The following CDH4 variants were observed in gnomAD, a reference collection of about 807,000 sequenced individuals.
The protein encoded by CDH4 is cadherin-4.
CDH4 carries 33 observed loss-of-function variants against 86.0 expected under a neutral mutation model. That is an observed-to-expected ratio of 0.38 (90% CI 0.29 to 0.51). CDH4 has a LOEUF of 0.51. CDH4 is among the 20% of genes least tolerant of loss of function. The pLI is 0.86. For synonymous variants in CDH4, 555 were observed against 549.4 expected (o/e 1.01, Z -0.14); for missense variants, 1,114 against 1,307.4 (o/e 0.85, Z 2.28).
intron 2 of CDH4, among the ~76,000 whole-genome samples, chr20:61,567,346 A>G (rs2086306718): frequency 6.6e-6 from 1 of 152,216 alleles, no homozygotes; most frequent in South Asian, 2.1e-4. Flanking sequence ...ACAGTTCTGG[A>G]GGCCAGAGTC....
At chr20:61,304,441 A>G (rs1010170637) in intron 2 of CDH4, among the ~76,000 whole-genome samples, 1 of 152,170 alleles carries the variant, frequency 6.6e-6, no homozygotes, top group East Asian at 1.9e-4. Flanking sequence ...TGGCTTCTCT[A>G]AACGATGAGC....
intron 4 of CDH4, among the ~76,000 whole-genome samples, chr20:61,812,906 C>T (rs977389252): frequency 5.3e-5 from 8 of 152,192 alleles, no homozygotes; most frequent in Admixed American, 2.0e-4. Context: ...AAATCACAGC[C>T]GCCTGGTAAC....
intron 4 of CDH4, among the ~76,000 whole-genome samples, chr20:61,801,679 G>A (rs1979838082): frequency 7.3e-6 from 1 of 136,216 alleles, no homozygotes; most frequent in Admixed American, 7.4e-5. Context: ...CGTTTCTAGA[G>A]GCTCCTGCCC....
At chr20:61,834,164 C>T (rs190168222) in intron 4 of CDH4, among the ~76,000 whole-genome samples, 112 of 152,314 alleles carry the variant, frequency 7.4e-4, no homozygotes, top group Non-Finnish European at 1.3e-3. Context: ...AAGTGGGTCT[C>T]GGCAGGCAAA....
intron 2 of CDH4, among the ~76,000 whole-genome samples, chr20:61,458,483 G>C (rs957302907): frequency 6.6e-6 from 1 of 151,584 alleles, no homozygotes; most frequent in African/African-American, 2.4e-5. Context: ...TGGTAGTGGT[G>C]GTGGTGCTGA....
At chr20:61,669,418 T>C (rs1047736187) in intron 2 of CDH4, among the ~76,000 whole-genome samples, 1 of 152,198 alleles carries the variant, frequency 6.6e-6, no homozygotes, top group Non-Finnish European at 1.5e-5. Context: ...GGAGGGAGAA[T>C]GCACCCAGGA....
intron 4 of CDH4, among the ~76,000 whole-genome samples, chr20:61,822,072 G>T (rs1227367328): frequency 6.6e-6 from 1 of 152,268 alleles, no homozygotes; most frequent in Non-Finnish European, 1.5e-5. Flanking sequence ...TAGGAGGAAG[G>T]TGGGGCTCTG....
intron 2 of CDH4, among the ~76,000 whole-genome samples, chr20:61,669,471 G>C (rs564278167): frequency 6.6e-6 from 1 of 152,238 alleles, no homozygotes; most frequent in Non-Finnish European, 1.5e-5. Context: ...AGCCTCTGAG[G>C]GTTTCAGCAG....
At chr20:61,746,617 C>T (rs938936479) in intron 3 of CDH4, among the ~76,000 whole-genome samples, 2 of 152,212 alleles carry the variant, frequency 1.3e-5, no homozygotes, top group Non-Finnish European at 2.9e-5. Flanking sequence ...CACGGCAAGG[C>T]TTCTGCGACT....
At chr20:61,259,985 T>G (rs1055327521) in intron 2 of CDH4, among the ~76,000 whole-genome samples, 1 of 152,110 alleles carries the variant, frequency 6.6e-6, no homozygotes, top group Non-Finnish European at 1.5e-5. Flanking sequence ...GGAACACAAA[T>G]TGGGTCCCAG....
At chr20:61,462,650 A>G (rs563893072) in intron 2 of CDH4, among the ~76,000 whole-genome samples, 64 of 151,978 alleles carry the variant, frequency 4.2e-4, no homozygotes, top group African/African-American at 1.3e-3. Context: ...GCCTGGGAGG[A>G]CACTCAGCTC....
chr20:61,519,772 G>A (rs940487071), intron 2 of CDH4, among the ~76,000 whole-genome samples: 6 of 152,218 alleles, frequency 3.9e-5, no homozygotes, highest in East Asian at 1.9e-4. Context: ...GGCAGACTGC[G>A]TGGTGGTGGT....
intron 2 of CDH4, among the ~76,000 whole-genome samples, chr20:61,434,174 G>A (rs1480703642): frequency 6.6e-6 from 1 of 152,184 alleles, no homozygotes; most frequent in Non-Finnish European, 1.5e-5. Flanking sequence ...ACTAACCCAC[G>A]AGTGGTGTTT....
At chr20:61,570,873 T>C in intron 2 of CDH4, 1 of 681,148 alleles carries the variant, frequency 1.5e-6, no homozygotes, top group Non-Finnish European at 2.7e-6. Flanking sequence ...GTGTAGTGGC[T>C]GTTAAGAAGT....
intron 2 of CDH4, among the ~76,000 whole-genome samples, chr20:61,678,538 C>T (rs780550294): frequency 7.2e-5 from 11 of 152,208 alleles, no homozygotes; most frequent in East Asian, 5.8e-4. Flanking sequence ...ATCTCAGCAA[C>T]GCAGTTTCTG....
At chr20:61,745,207 G>C (rs1462585519) in intron 3 of CDH4, among the ~76,000 whole-genome samples, 1 of 152,200 alleles carries the variant, frequency 6.6e-6, no homozygotes. Context: ...ATTCCTTTCC[G>C]TGGGTTTCCC....
intron 2 of CDH4, among the ~76,000 whole-genome samples, chr20:61,537,755 G>A (rs377449478): frequency 1.3e-5 from 2 of 152,166 alleles, no homozygotes; most frequent in African/African-American, 4.8e-5. Flanking sequence ...TAACAAGCCG[G>A]GTCTTTCAAA....
intron 14 of CDH4, among the ~76,000 whole-genome samples, chr20:61,933,495 C>T (rs1054747742): frequency 2.0e-5 from 3 of 152,198 alleles, no homozygotes; most frequent in Non-Finnish European, 2.9e-5. Context: ...ACCAGGCGCC[C>T]GGGAGGGTAG....
chr20:61,799,255 G>A (rs1019896973), intron 4 of CDH4, among the ~76,000 whole-genome samples: 10 of 152,214 alleles, frequency 6.6e-5, no homozygotes, highest in African/African-American at 1.4e-4. Context: ...AAAGAGGTAG[G>A]TCTGTGCAAC....
Sources: allele counts gnomAD v4.1 joint callset (sites outside exome capture counted in the v4.1 genomes callset), GRCh38; gene constraint gnomAD v4.1.1; transcripts MANE v1.5; gene names NCBI Gene and HGNC (gene_info 2026-07-23, HGNC 2026-07-21).